NRP2: variants seen among roughly 807,000 people sequenced by gnomAD.
NRP2 encodes neuropilin 2, also known as neuropilin-2.
NRP2 carries 52 observed loss-of-function variants against 110.4 expected under a neutral mutation model. The observed-to-expected ratio is 0.47, with a 90% confidence interval of 0.38 to 0.59. NRP2 has a LOEUF of 0.59. Ranked by LOEUF, NRP2 falls within the 20% of genes least tolerant of loss-of-function variation. The pLI, the probability that NRP2 is intolerant of heterozygous loss-of-function variation, is 0.00. For synonymous variants in NRP2, 508 were observed against 468.9 expected (o/e 1.08, Z -1.08); for missense variants, 1,049 against 1,203.0 (o/e 0.87, Z 1.89).
chr2:205,728,474 A>G (rs888547692), intron 7 of NRP2, among the ~76,000 whole-genome samples: 2 of 152,326 alleles, frequency 1.3e-5, no homozygotes, highest in Non-Finnish European at 2.9e-5. Context: ...AAATCCTGAG[A>G]GGGAATCACA....
chr2:205,795,010 T>G lies in NRP2; in HGVS notation c.2733T>G (p.Leu911=), dbSNP rs747379186. ...ACAACTTCGAGCTCTACGATGGCCT[T>G]AAGCACAAGGTCAAGATGAACCACC... is the stretch of plus-strand genomic sequence containing the variant. ...ENYNFELYDG[L]KHKVKMNHQK... The change falls in exon 17 of 17, where the codon CTT becomes CTG. Residue 911 remains leucine (L), a synonymous_variant. Transcript: ENST00000357785. The G allele has an allele frequency of 6.2e-7, 1 of 1,614,174 alleles. No homozygotes were observed. The highest frequency in any genetic ancestry group is 8.5e-7 in the Non-Finnish European group (1 of 1,180,030).
At chr2:205,716,666 GT>G (rs545369378) in intron 3 of NRP2, among the ~76,000 whole-genome samples, 94 of 152,302 alleles carry the variant, frequency 6.2e-4, no homozygotes, top group Non-Finnish European at 1.0e-3. Context: ...ATTTTTGTAT[GT>G]TTTTTAAAAT....
At chr2:205,779,908 T>G (rs945399605) in intron 15 of NRP2, among the ~76,000 whole-genome samples, 2 of 152,220 alleles carry the variant, frequency 1.3e-5, no homozygotes, top group African/African-American at 4.8e-5. Flanking sequence ...TGTTAGGATT[T>G]TTATCCAATT....
At chr2:205,738,930 A>T (rs2057392757) in intron 7 of NRP2, among the ~76,000 whole-genome samples, 1 of 152,186 alleles carries the variant, frequency 6.6e-6, no homozygotes, top group African/African-American at 2.4e-5. Context: ...TGCAAAAGGT[A>T]TGGTGTCTTC....
chr2:205,745,573 G>A (rs1465519830), intron 9 of NRP2, among the ~76,000 whole-genome samples, 173 bp from the exon 10 acceptor site: 1 of 152,122 alleles, frequency 6.6e-6, no homozygotes, highest in Non-Finnish European at 1.5e-5. Flanking sequence ...TAAAATCCTT[G>A]GTCTGAAAAT....
rs1019415540 is a variant in NRP2, at chr2:205,763,144, G to T, written c.2045-530G>T. ...CTAGGAGCACTGATGGAGACAGAAG[G>T]TTTTAAATGTCAGCCATTTGGACAG... On this transcript the variant is annotated intron_variant, in intron 12 of 16. Transcript: ENST00000357785. The surrounding 1 kb of genome is among the most constrained non-coding windows in gnomAD (Gnocchi z 4.0). Among the ~76,000 whole-genome samples, 1 of 152,128 alleles carries T rather than the reference G, an allele frequency of 6.6e-6. No individual in the cohort carries two copies. The highest frequency in any genetic ancestry group is 1.5e-5 in the Non-Finnish European group (1 of 68,028).
At chr2:205,755,969 C>T (rs1023090518) in intron 12 of NRP2, among the ~76,000 whole-genome samples, 4 of 152,078 alleles carry the variant, frequency 2.6e-5, no homozygotes, top group Non-Finnish European at 5.9e-5. Context: ...GCTTACATTC[C>T]TCGGATATTT....
At chr2:205,722,422 G>C in intron 3 of NRP2, 56 bp from the exon 4 acceptor site, 1 of 1,380,410 alleles carries the variant, frequency 7.2e-7, no homozygotes, top group Non-Finnish European at 1.0e-6. Flanking sequence ...CCATGTGACA[G>C]AGGCCACAAA....
At chr2:205,700,767 C>G (rs1340770101) in intron 2 of NRP2, 2 of 518,652 alleles carry the variant, frequency 3.9e-6, no homozygotes, top group Non-Finnish European at 7.7e-6. Flanking sequence ...TCAGTGCAAT[C>G]CAAGGCCACC....
At chr2:205,699,353 A>C (rs1014330966) in intron 2 of NRP2, among the ~76,000 whole-genome samples, 12 of 152,212 alleles carry the variant, frequency 7.9e-5, no homozygotes, top group Non-Finnish European at 1.5e-4. Flanking sequence ...TGGAAGCATA[A>C]TGTACAGAGA....
intron 15 of NRP2, among the ~76,000 whole-genome samples, chr2:205,775,826 T>C (rs567695396): frequency 2.9e-4 from 44 of 152,218 alleles, no homozygotes; most frequent in African/African-American, 1.1e-3. Flanking sequence ...TGTATGTGTA[T>C]GTGTGTGTGT....
At chr2:205,748,184 T>G (rs2057573924) in intron 10 of NRP2, among the ~76,000 whole-genome samples, 1 of 152,186 alleles carries the variant, frequency 6.6e-6, no homozygotes, top group Non-Finnish European at 1.5e-5. Flanking sequence ...TACCTAACAT[T>G]TCCAGAAACT....
chr2:205,747,990 G>A (rs12472412), intron 10 of NRP2, among the ~76,000 whole-genome samples: 18,256 of 152,020 alleles, frequency 0.12, 1,436 homozygotes, highest in South Asian at 0.27. Context: ...CAATTTCAGG[G>A]GTAGCGTTGC....
intron 15 of NRP2, among the ~76,000 whole-genome samples, chr2:205,773,756 G>C (rs1575664521): frequency 6.6e-6 from 1 of 152,352 alleles, no homozygotes; most frequent in East Asian, 1.9e-4. Flanking sequence ...TTAAGCCATA[G>C]GTTGTGTATT....
intron 15 of NRP2, among the ~76,000 whole-genome samples, chr2:205,770,843 G>A (rs1320699468): frequency 6.6e-6 from 1 of 152,170 alleles, no homozygotes; most frequent in African/African-American, 2.4e-5. Flanking sequence ...TCAGATGTGT[G>A]AAGCGGGTAA....
intron 7 of NRP2, among the ~76,000 whole-genome samples, chr2:205,731,078 T>G (rs2057229776): frequency 6.6e-6 from 1 of 152,148 alleles, no homozygotes. Context: ...ACATCCCAAA[T>G]CTTTATCCAA....
chr2:205,777,045 C>T, intron 15 of NRP2: 3 of 1,005,822 alleles, frequency 3.0e-6, no homozygotes, highest in Non-Finnish European at 3.6e-6. Flanking sequence ...TCAGAGAGGG[C>T]CCCTTTAACT....
At chr2:205,733,984 C>A (rs910761580) in intron 7 of NRP2, among the ~76,000 whole-genome samples, 2 of 152,128 alleles carry the variant, frequency 1.3e-5, no homozygotes, top group African/African-American at 2.4e-5. Context: ...TCCCCGCCCC[C>A]CAGAACGCAG....
chr2:205,726,875 G>C (rs1243370291), intron 6 of NRP2, among the ~76,000 whole-genome samples: 1 of 152,156 alleles, frequency 6.6e-6, no homozygotes, highest in Non-Finnish European at 1.5e-5. Flanking sequence ...CAACAGGAAA[G>C]GGAGAAACAC....
Sources: gnomAD v4.1 joint callset for allele counts (sites outside exome capture counted in the v4.1 genomes callset) on GRCh38, gnomAD v4.1.1 for gene constraint, Gnocchi (gnomAD v3.1) non-coding constraint, MANE v1.5 for transcripts, NCBI Gene and HGNC (gene_info 2026-07-23, HGNC 2026-07-21) for gene names.